The following SPOCK3 variants were observed in gnomAD, a reference collection of about 807,000 sequenced individuals.
The protein encoded by SPOCK3 is testican-3.
Under a neutral mutation model 56.6 loss-of-function variants are expected in SPOCK3, and 30 were observed. That is an observed-to-expected ratio of 0.53 (90% CI 0.40 to 0.72). The LOEUF is 0.72. Ranked by LOEUF, SPOCK3 falls within the 30% of genes least tolerant of loss-of-function variation. The pLI is 0.00. For missense variants in SPOCK3, 527 were observed against 530.0 expected, an observed-to-expected ratio of 0.99 and a Z score of 0.06; for synonymous variants, 196 against 183.3, an observed-to-expected ratio of 1.07 and a Z score of -0.56.
intron 6 of SPOCK3, among the ~76,000 whole-genome samples, chr4:166,847,647 TTATA>T (rs147015731): frequency 0.028 from 1,530 of 55,398 alleles, 73 homozygotes; most frequent in Non-Finnish European, 0.047. Context: ...AAATCCTAGT[TTATA>T]TATATATATA....
intron 2 of SPOCK3, among the ~76,000 whole-genome samples, chr4:167,189,152 T>C (rs993080547): frequency 2.7e-5 from 4 of 145,914 alleles, no homozygotes; most frequent in Non-Finnish European, 1.5e-5. Flanking sequence ...AGTATTCTCA[T>C]GAGTCTAGAC....
rs1025915077 is a variant in SPOCK3 at position 166,863,286 on chromosome 4, C to T, written c.589+25844G>A. Among the ~76,000 whole-genome samples the T allele has an allele frequency of 2.7e-5, 4 of 149,676 alleles. No individual in the cohort carries two copies. In the Admixed American group the frequency reaches 2.7e-4, roughly 10 times the overall value. ...AAAGGAGCTCTTTCCATATTCACAT[C>T]CACTAAACATGGAAAGGAAAAACCA... On this transcript the variant is annotated intron_variant, in intron 6 of 10. Coordinates refer to ENST00000357545, the MANE Select transcript of SPOCK3 (RefSeq NM_001040159.2).
At chr4:167,114,024 G>C (rs1399582134) in intron 2 of SPOCK3, among the ~76,000 whole-genome samples, 1 of 152,084 alleles carries the variant, frequency 6.6e-6, no homozygotes, top group Non-Finnish European at 1.5e-5. Context: ...AGCGCAAAGT[G>C]AGAGAAAGAG....
chr4:167,222,474 A>G (rs934239024), intron 2 of SPOCK3, among the ~76,000 whole-genome samples: 4 of 142,510 alleles, frequency 2.8e-5, no homozygotes, highest in Admixed American at 2.2e-4. Flanking sequence ...ATAGATTTAT[A>G]TATAAACATA....
chr4:166,995,863 A>G (rs1207483223), intron 4 of SPOCK3, among the ~76,000 whole-genome samples: 4 of 152,146 alleles, frequency 2.6e-5, no homozygotes, highest in Non-Finnish European at 4.4e-5. Context: ...TTATTTTTAA[A>G]TGATTATGAT....
intron 3 of SPOCK3, among the ~76,000 whole-genome samples, chr4:167,023,676 T>C (rs1219493838): frequency 1.3e-5 from 2 of 151,980 alleles, no homozygotes; most frequent in Non-Finnish European, 2.9e-5. Flanking sequence ...TGGTTTGTAA[T>C]GCTCCAGGCA....
rs532949193 is a variant in SPOCK3 at position 167,127,346 on chromosome 4, T to A, written c.190-64809A>T. ...TATTGCCAAGACTACTTTCTTATAT[T>A]ACAGAAAAAAACTACTTTTTTATAT... On this transcript the variant is annotated intron_variant, in intron 2 of 10. Transcript: ENST00000357545. Among the ~76,000 whole-genome samples the A allele has an allele frequency of 5.3e-5, 8 of 151,796 alleles. No homozygotes were observed. The South Asian group carries it at 1.3e-3, about 24-fold the overall frequency.
chr4:167,047,069 A>G (rs1026057356), intron 3 of SPOCK3, among the ~76,000 whole-genome samples: 2 of 152,194 alleles, frequency 1.3e-5, no homozygotes, highest in Admixed American at 6.5e-5. Flanking sequence ...TCAAGAAGGC[A>G]TATTAACTCT....
chr4:166,833,190 A>C (rs1167788077), intron 6 of SPOCK3, among the ~76,000 whole-genome samples: 3 of 152,134 alleles, frequency 2.0e-5, no homozygotes, highest in African/African-American at 7.2e-5. Context: ...AATAATTTTT[A>C]GTTCAATTAT....
At chr4:167,025,967 C>T (rs1025790212) in intron 3 of SPOCK3, among the ~76,000 whole-genome samples, 1 of 151,972 alleles carries the variant, frequency 6.6e-6, no homozygotes, top group Non-Finnish European at 1.5e-5. Flanking sequence ...CACTGTAGGC[C>T]CTTGTAACAC....
At chr4:167,058,054 A>G (rs1019755049) in intron 3 of SPOCK3, among the ~76,000 whole-genome samples, 4 of 152,212 alleles carry the variant, frequency 2.6e-5, no homozygotes, top group African/African-American at 9.6e-5. Context: ...TCTCCTCAGC[A>G]AATGTAAAAG....
intron 2 of SPOCK3, among the ~76,000 whole-genome samples, chr4:167,116,706 G>GTATATAC (rs1761420745): frequency 1.0e-5 from 1 of 100,054 alleles, no homozygotes; most frequent in Non-Finnish European, 1.9e-5. Context: ...GTATATATAC[G>GTATATAC]TATATAGTAT....
intron 6 of SPOCK3, among the ~76,000 whole-genome samples, chr4:166,844,622 GTGTC>G (rs10552874): frequency 0.36 from 54,865 of 151,798 alleles, 12,277 homozygotes; most frequent in South Asian, 0.52. Flanking sequence ...TTGCCTGCCA[GTGTC>G]TGTCTGTCTG....
At chr4:167,062,376 ATGTAAGCTCT>A (rs1473572043) in intron 3 of SPOCK3, 106 bp downstream of exon 3, 5 of 658,996 alleles carry the variant, frequency 7.6e-6, no homozygotes, top group African/African-American at 7.5e-5. Flanking sequence ...TTTTCCATTC[ATGTAAGCTCT>A]TCTATTTAGT....
At position 166,792,305 on chromosome 4, in the gene SPOCK3, C is replaced by T; in HGVS notation, c.590-16G>A. On this transcript the variant is annotated splice_polypyrimidine_tract_variant and intron_variant, in intron 6 of 10. Transcript: ENST00000357545. ...TCACTGCATGCTAAAAACAGAGAAACAACACAAGTCTTGAATAATATCTTA... is the reference window on the plus strand; with the variant it reads ...TCACTGCATGCTAAAAACAGAGAAATAACACAAGTCTTGAATAATATCTTA... 3 of 1,613,202 alleles carry T rather than the reference C, an allele frequency of 1.9e-6. No individual in the cohort carries two copies. The highest frequency in any genetic ancestry group is 2.5e-6 in the Non-Finnish European group (3 of 1,179,380).
At chr4:167,107,702 A>G (rs906885627) in intron 2 of SPOCK3, among the ~76,000 whole-genome samples, 5 of 151,890 alleles carry the variant, frequency 3.3e-5, no homozygotes, top group Admixed American at 1.3e-4. Context: ...ATTTGGAAAA[A>G]CTTAAAGACA....
intron 6 of SPOCK3, among the ~76,000 whole-genome samples, chr4:166,838,856 G>A (rs1579375256): frequency 1.3e-5 from 2 of 150,222 alleles, no homozygotes; most frequent in East Asian, 4.0e-4. Context: ...CAGCTACCTG[G>A]GAGGCTGAGG....
chr4:166,969,327 A>C (rs1427633523), intron 4 of SPOCK3, among the ~76,000 whole-genome samples: 1 of 152,038 alleles, frequency 6.6e-6, no homozygotes, highest in Non-Finnish European at 1.5e-5. Flanking sequence ...GGGGCCAGTG[A>C]TGGAATGATA....
At chr4:167,121,475 A>C (rs75360771) in intron 2 of SPOCK3, among the ~76,000 whole-genome samples, 4 of 147,330 alleles carry the variant, frequency 2.7e-5, no homozygotes, top group African/African-American at 9.9e-5. Context: ...GTTTCAAACA[A>C]AAAAAAAAAA....
Sources: allele counts gnomAD v4.1 joint callset (sites outside exome capture counted in the v4.1 genomes callset), GRCh38; gene constraint gnomAD v4.1.1; transcripts MANE v1.5; gene names NCBI Gene and HGNC (gene_info 2026-07-23, HGNC 2026-07-21).